The following COL4A2 variants were observed in gnomAD, a reference collection of about 807,000 sequenced individuals.
COL4A2 encodes the protein collagen type IV alpha 2 chain.
A neutral mutation model predicts 200.2 loss-of-function variants in COL4A2; 99 were observed. The observed-to-expected ratio is 0.49, with a 90% confidence interval of 0.42 to 0.58. COL4A2 has a LOEUF of 0.58. COL4A2 is among the 20% of genes least tolerant of loss of function. The probability of loss-of-function intolerance (pLI) is 0.00; values close to 1 mark genes in which losing one functional copy is unlikely to be tolerated. For missense variants in COL4A2, 1,950 were observed against 2,314.1 expected, an observed-to-expected ratio of 0.84 and a Z score of 3.23; for synonymous variants, 897 against 900.6, an observed-to-expected ratio of 1.00 and a Z score of 0.07.
chr13:110,352,503 G>A (rs1420210602), intron 3 of COL4A2, among the ~76,000 whole-genome samples: 1 of 152,240 alleles, frequency 6.6e-6, no homozygotes, highest in East Asian at 1.9e-4. Context: ...TATACCCAGA[G>A]CCCAGCACAG....
intron 4 of COL4A2, among the ~76,000 whole-genome samples, chr13:110,423,475 C>CA (rs1420634364): frequency 2.0e-5 from 3 of 152,076 alleles, no homozygotes; most frequent in African/African-American, 2.4e-5. Flanking sequence ...GGACAAATAG[C>CA]AAATACGTGC....
intron 39 of COL4A2, among the ~76,000 whole-genome samples, chr13:110,494,562 A>G (rs969656444): frequency 2.5e-5 from 3 of 119,374 alleles, no homozygotes; most frequent in African/African-American, 1.1e-4. Context: ...TTCAGTGGAG[A>G]AAAAAAAATT....
rs1480771800 is a variant in COL4A2, at chr13:110,493,251, G to C, written c.3603G>C (p.Leu1201Phe). 1 of 1,614,150 alleles carries C rather than the reference G, an allele frequency of 6.2e-7. No individual in the cohort carries two copies. The highest frequency in any genetic ancestry group is 1.3e-5 in the African/African-American group (1 of 75,060). Reference protein sequence around the residue: ...GLRGIRGLHGLPGTKGFPGSP... With the variant: ...GLRGIRGLHGFPGTKGFPGSP... ...GTGGGATCCGCGGCTTACACGGCTT[G>C]CCAGGCACCAAGGGCTTTCCAGGAT... Residue 1201 changes from leucine (L) to phenylalanine (F), a missense_variant, in exon 39 of 48, where the codon TTG (leucine) becomes TTC (phenylalanine). Transcript: ENST00000360467.
intron 3 of COL4A2, among the ~76,000 whole-genome samples, chr13:110,322,612 A>G (rs572376424): frequency 6.6e-6 from 1 of 152,254 alleles, no homozygotes; most frequent in African/African-American, 2.4e-5. Context: ...GATCTTCCCC[A>G]TGGCTTCACC....
chr13:110,371,314 T>G (rs1877999088), intron 4 of COL4A2, among the ~76,000 whole-genome samples: 2 of 152,252 alleles, frequency 1.3e-5, no homozygotes. Flanking sequence ...TCTTAAAGTG[T>G]ACATGATGTG....
At chr13:110,331,202 T>C (rs922332884) in intron 3 of COL4A2, among the ~76,000 whole-genome samples, 3 of 152,188 alleles carry the variant, frequency 2.0e-5, no homozygotes, top group Non-Finnish European at 2.9e-5. Flanking sequence ...TGCCAGGCCA[T>C]TGCAAAGGAC....
At chr13:110,364,698 C>T (rs9521718) in intron 4 of COL4A2, among the ~76,000 whole-genome samples, 60,621 of 151,812 alleles carry the variant, frequency 0.4, 12,225 homozygotes, top group Middle Eastern at 0.56. Flanking sequence ...TTATATTGTG[C>T]TTTCTTTTCA....
chr13:110,408,564 T>G (rs1471258832), intron 4 of COL4A2, among the ~76,000 whole-genome samples: 1 of 152,108 alleles, frequency 6.6e-6, no homozygotes, highest in Non-Finnish European at 1.5e-5. Flanking sequence ...GTTCCAGACA[T>G]GCAGAGCCGC....
At chr13:110,417,922 G>A (rs2139447043) in intron 4 of COL4A2, among the ~76,000 whole-genome samples, 1 of 152,246 alleles carries the variant, frequency 6.6e-6, no homozygotes, top group Middle Eastern at 3.4e-3. Context: ...ATACCTAGGA[G>A]TGGGATTGTT....
intron 16 of COL4A2, among the ~76,000 whole-genome samples, chr13:110,443,632 A>G (rs897648384): frequency 6.6e-6 from 1 of 152,182 alleles, no homozygotes; most frequent in African/African-American, 2.4e-5. Context: ...AAAGCCCTTC[A>G]CAGTTATCCA....
rs1157146931 is a variant in COL4A2 at position 110,503,199 on chromosome 13, C to T, written c.3956C>T (p.Pro1319Leu). ...SKGDTGNPGA[P>L]GTPGTKGWAG... ...GGTGACACAGGGAACCCAGGAGCTC[C>T]AGGAACCCCAGGGACCAAAGGATGG... is the stretch of plus-strand genomic sequence containing the variant. The change falls in exon 42 of 48, where the codon CCA becomes CTA. Residue 1319 changes from proline to leucine, a missense_variant. Pro to Leu is a moderately conservative substitution (Grantham distance 98). This residue lies in a region of COL4A2 where 1,385 missense variants were observed against 1,720.5 expected (regional missense o/e 0.80). Transcript: ENST00000360467. The T allele has an allele frequency of 1.9e-6, 3 of 1,614,038 alleles. No individual in the cohort carries two copies. Among genetic ancestry groups the T allele is most frequent in the Non-Finnish European group, 2.5e-6 (3 of 1,180,008 alleles).
intron 4 of COL4A2, among the ~76,000 whole-genome samples, chr13:110,405,598 G>A (rs1169390727): frequency 1.3e-5 from 2 of 152,240 alleles, no homozygotes; most frequent in Non-Finnish European, 1.5e-5. Context: ...CCCGCAGTCA[G>A]GGCCCAGTCA....
intron 4 of COL4A2, among the ~76,000 whole-genome samples, chr13:110,393,709 A>C (rs1349232771): frequency 6.6e-6 from 1 of 151,836 alleles, no homozygotes; most frequent in African/African-American, 2.4e-5. Flanking sequence ...TGAAACCCCA[A>C]CTCTACTAAA....
intron 4 of COL4A2, among the ~76,000 whole-genome samples, chr13:110,415,595 C>T (rs117518007): frequency 0.032 from 4,882 of 152,310 alleles, 133 homozygotes; most frequent in South Asian, 0.11. Context: ...GCGGAACCAA[C>T]TCAATATAAT....
At chr13:110,511,855 C>A in intron 47 of COL4A2, 79 bp from the exon 48 acceptor site, 1 of 1,600,350 alleles carries the variant, frequency 6.2e-7, no homozygotes, top group Admixed American at 1.7e-5. Flanking sequence ...AACAAATGCA[C>A]AGAAGAGGGC....
chr13:110,433,623 AAG>A (rs1024755451), intron 11 of COL4A2, among the ~76,000 whole-genome samples: 1 of 152,238 alleles, frequency 6.6e-6, no homozygotes, highest in African/African-American at 2.4e-5. Context: ...ACTGCAGAGA[AAG>A]AGAGATCAGA....
chr13:110,380,791 T>C (rs1878441047), intron 4 of COL4A2, among the ~76,000 whole-genome samples: 1 of 148,494 alleles, frequency 6.7e-6, no homozygotes, highest in Admixed American at 6.7e-5. Flanking sequence ...CCACGGGCTC[T>C]ATGTCACACC....
rs138281616 is a variant in COL4A2, at chr13:110,388,587, C to T, written c.180+31035C>T. On this transcript the variant is annotated intron_variant, in intron 4 of 47. Transcript: ENST00000360467. ...TTAATCCATCAGAGAGCAATACTTG[C>T]GACTTTAAATATGGCATATGGTGAA... 1.6e-4 allele frequency among the ~76,000 whole-genome samples: 25 copies of T among 152,258 alleles called. No homozygotes were observed. In the East Asian group the frequency reaches 3.7e-3, roughly 22 times the overall value.
intron 4 of COL4A2, 94 bp from the exon 5 acceptor site, chr13:110,424,640 C>CAAAAAAAA: frequency 1.7e-5 from 12 of 699,002 alleles, no homozygotes; most frequent in East Asian, 3.0e-5. Context: ...TCTTTAAAAA[C>CAAAAAAAA]AAAAAAAAAA....
Sources: allele counts gnomAD v4.1 joint callset (sites outside exome capture counted in the v4.1 genomes callset), GRCh38; gene constraint gnomAD v4.1.1; regional missense constraint gnomAD v4.1.1; transcripts MANE v1.5; gene names NCBI Gene and HGNC (gene_info 2026-07-23, HGNC 2026-07-21).